The following AGBL1 variants were observed in gnomAD, a reference collection of about 807,000 sequenced individuals.
AGBL1 encodes cytosolic carboxypeptidase 4.
In AGBL1, 130 loss-of-function variants were observed where a neutral mutation model predicts 118.9. The ratio of observed to expected loss-of-function variants is 1.09; its 90% CI spans 0.95 to 1.26. AGBL1 has a LOEUF of 1.26. AGBL1 is among the 50% of genes most tolerant of loss of function. The probability of loss-of-function intolerance (pLI) is 0.00; values close to 1 mark genes in which losing one functional copy is unlikely to be tolerated. For missense variants in AGBL1, 1,584 were observed against 1,298.1 expected (o/e 1.22, Z -3.38); for synonymous variants, 555 against 478.9 (o/e 1.16, Z -2.08).
chr15:86,112,379 A>G (rs556959427), intron 1 of AGBL1, among the ~76,000 whole-genome samples: 4 of 152,332 alleles, frequency 2.6e-5, no homozygotes, highest in Admixed American at 6.5e-5. Flanking sequence ...CATGCTACAC[A>G]TACATTTTTG....
intron 22 of AGBL1, among the ~76,000 whole-genome samples, chr15:86,760,283 G>A (rs2078005250): frequency 6.6e-6 from 1 of 151,920 alleles, no homozygotes; most frequent in South Asian, 2.1e-4. Flanking sequence ...TGTACGTTAG[G>A]GTGTCTTCCA....
chr15:86,729,302 G>T (rs1430974993), intron 22 of AGBL1, among the ~76,000 whole-genome samples: 1 of 152,030 alleles, frequency 6.6e-6, no homozygotes, highest in Non-Finnish European at 1.5e-5. Flanking sequence ...TTTATTTTAG[G>T]GTCAGGAGGC....
At chr15:86,180,635 A>G (rs1415951322) in intron 5 of AGBL1, among the ~76,000 whole-genome samples, 1 of 152,154 alleles carries the variant, frequency 6.6e-6, no homozygotes, top group Non-Finnish European at 1.5e-5. Flanking sequence ...TTTATATAAC[A>G]GCAGTGAAAA....
At chr15:86,196,975 GA>G (rs1239180264) in intron 5 of AGBL1, among the ~76,000 whole-genome samples, 1 of 150,298 alleles carries the variant, frequency 6.7e-6, no homozygotes, top group Admixed American at 6.6e-5. Flanking sequence ...CGCAAGCCAG[GA>G]AAAGAGAATT....
chr15:86,516,681 A>T (rs2083125025), intron 18 of AGBL1, among the ~76,000 whole-genome samples: 1 of 151,828 alleles, frequency 6.6e-6, no homozygotes, highest in Admixed American at 6.6e-5. Context: ...CATGCCTGTA[A>T]TCCCAGCTAC....
rs1052026016 is a variant in AGBL1, at chr15:86,949,428, A to G, written c.3222-38559A>G. 3.3e-5 allele frequency among the ~76,000 whole-genome samples: 5 copies of G among 152,268 alleles called. No homozygotes were observed. In the South Asian group the frequency reaches 6.2e-4, roughly 19 times the overall value. On this transcript the variant is annotated intron_variant, in intron 23 of 24. Coordinates refer to the AGBL1 transcript ENST00000441037. Reference sequence around the variant, plus strand: ...TCAAACTTTTGGAGCCAATTCAGGAAGAAGGCCACTGTTAAGACATAAATA... The same window carrying G: ...TCAAACTTTTGGAGCCAATTCAGGAGGAAGGCCACTGTTAAGACATAAATA...
intron 21 of AGBL1, among the ~76,000 whole-genome samples, chr15:86,667,967 G>T (rs1218913529): frequency 6.6e-6 from 1 of 152,180 alleles, no homozygotes; most frequent in Non-Finnish European, 1.5e-5. Context: ...TTCTGGTGAG[G>T]CCTCAGGGAG....
At chr15:86,779,889 A>G (rs1236803804) in intron 22 of AGBL1, among the ~76,000 whole-genome samples, 5 of 150,888 alleles carry the variant, frequency 3.3e-5, no homozygotes, top group African/African-American at 1.2e-4. Context: ...TTTCTGATTG[A>G]GTTGGAAAAG....
intron 22 of AGBL1, among the ~76,000 whole-genome samples, chr15:86,843,642 G>A (rs1396032026): frequency 6.6e-6 from 1 of 152,120 alleles, no homozygotes; most frequent in Non-Finnish European, 1.5e-5. Context: ...TTAATTACAT[G>A]TCTGCTTGAA....
intron 23 of AGBL1, among the ~76,000 whole-genome samples, chr15:86,973,520 C>G (rs536510495): frequency 2.0e-5 from 3 of 151,670 alleles, no homozygotes; most frequent in South Asian, 4.2e-4. Context: ...TCAGGTTGGC[C>G]TAGCATGATC....
At chr15:86,489,092 A>T (rs1194858621) in intron 18 of AGBL1, among the ~76,000 whole-genome samples, 1 of 152,092 alleles carries the variant, frequency 6.6e-6, no homozygotes, top group African/African-American at 2.4e-5. Context: ...GGGAGAAGAT[A>T]TTAATAAAAG....
At chr15:86,322,414 A>G (rs1191552080) in intron 17 of AGBL1, among the ~76,000 whole-genome samples, 2 of 151,930 alleles carry the variant, frequency 1.3e-5, no homozygotes, top group Non-Finnish European at 2.9e-5. Flanking sequence ...GATTTTCTTT[A>G]CCTTAAATGC....
At chr15:86,451,105 A>T (rs1246874962) in intron 18 of AGBL1, among the ~76,000 whole-genome samples, 1 of 152,204 alleles carries the variant, frequency 6.6e-6, no homozygotes, top group African/African-American at 2.4e-5. Context: ...AAATATACAG[A>T]CTCATTACAG....
At chr15:86,230,343 T>A (rs754731881) in intron 6 of AGBL1, among the ~76,000 whole-genome samples, 2 of 152,224 alleles carry the variant, frequency 1.3e-5, no homozygotes, top group Non-Finnish European at 2.9e-5. Flanking sequence ...ATCTTTGATA[T>A]GCACCCAAAT....
chr15:86,094,120 C>G (rs1896203050), intron 1 of AGBL1, among the ~76,000 whole-genome samples: 1 of 152,074 alleles, frequency 6.6e-6, no homozygotes, highest in African/African-American at 2.4e-5. Context: ...ATTTGAATCT[C>G]TATATTTGCA....
chr15:86,714,829 A>G (rs2086613760), intron 22 of AGBL1, among the ~76,000 whole-genome samples: 1 of 152,112 alleles, frequency 6.6e-6, no homozygotes, highest in Non-Finnish European at 1.5e-5. Context: ...GCATCAAGGG[A>G]GGGGCCCCTG....
intron 7 of AGBL1, among the ~76,000 whole-genome samples, chr15:86,253,661 C>A (rs1349599946): frequency 2.0e-5 from 3 of 152,148 alleles, no homozygotes; most frequent in Admixed American, 6.5e-5. Context: ...AATTTTATTT[C>A]TATCAAGTTT....
At chr15:86,674,240 G>A (rs767320207) in intron 21 of AGBL1, 33 bp from the exon 22 acceptor site, 23 of 1,580,336 alleles carry the variant, frequency 1.5e-5, no homozygotes, top group Admixed American at 5.3e-5. Flanking sequence ...CCCATTATAC[G>A]TTGCCACAGT....
chr15:86,737,109 A>G (rs8032456), intron 22 of AGBL1, among the ~76,000 whole-genome samples: 8,172 of 152,270 alleles, frequency 0.054, 586 homozygotes, highest in African/African-American at 0.17. Context: ...AATTGCTGAT[A>G]GAGAAGACAA....
Sources: gnomAD v4.1 joint callset for allele counts (sites outside exome capture counted in the v4.1 genomes callset) on GRCh38, gnomAD v4.1.1 for gene constraint, MANE v1.5 for transcripts, NCBI Gene and HGNC (gene_info 2026-07-23, HGNC 2026-07-21) for gene names.